Variants in XRCC4 observed in about 807,000 individuals in gnomAD.
XRCC4 encodes X-ray repair cross complementing 4.
A neutral mutation model predicts 39.1 loss-of-function variants in XRCC4; 28 were observed. That is an observed-to-expected ratio of 0.72 (90% CI 0.53 to 0.98). The LOEUF is 0.98. Ranked by LOEUF, XRCC4 falls within the 50% of genes least tolerant of loss-of-function variation. XRCC4 has a pLI of 0.00. For missense variants in XRCC4, 350 were observed against 376.4 expected, an observed-to-expected ratio of 0.93 and a Z score of 0.58; for synonymous variants, 123 against 126.4, an observed-to-expected ratio of 0.97 and a Z score of 0.18.
chr5:83,081,343 C>T (rs1744932281), intron 1 of XRCC4, among the ~76,000 whole-genome samples: 1 of 152,086 alleles, frequency 6.6e-6, no homozygotes, highest in Non-Finnish European at 1.5e-5. Context: ...TCCTCTTATC[C>T]TCAGCTAGCC....
Position 83,204,805 on chromosome 5 carries a change from C to G in XRCC4, c.639-10C>G. ...CAGTTATTTATAATTCTACCTTTCT[C>G]TGTTTCTAGGGAAACTGCAATCTGT... On this transcript the variant is annotated splice_polypyrimidine_tract_variant and intron_variant, in intron 5 of 7. Transcript: ENST00000396027. 6.2e-7 allele frequency: 1 copy of G among 1,601,856 alleles called. No individual in the cohort carries two copies. The highest frequency in any genetic ancestry group is 8.5e-7 in the Non-Finnish European group (1 of 1,171,830).
chr5:83,088,186 G>T (rs1389007088), intron 1 of XRCC4, among the ~76,000 whole-genome samples: 1 of 151,936 alleles, frequency 6.6e-6, no homozygotes, highest in Non-Finnish European at 1.5e-5. Context: ...GATGTATCTT[G>T]TCATTATTTT....
At chr5:83,130,013 G>A (rs2112475589) in intron 3 of XRCC4, among the ~76,000 whole-genome samples, 1 of 152,246 alleles carries the variant, frequency 6.6e-6, no homozygotes, top group Admixed American at 6.5e-5. Flanking sequence ...TGTTGAATAG[G>A]GGTGGTAAGA....
chr5:83,084,635 A>G (rs1745101251), intron 1 of XRCC4, among the ~76,000 whole-genome samples: 1 of 152,144 alleles, frequency 6.6e-6, no homozygotes, highest in African/African-American at 2.4e-5. Flanking sequence ...TGTTGCAAAG[A>G]TTTTCTTTCA....
At chr5:83,190,068 A>G (rs567133145) in intron 3 of XRCC4, among the ~76,000 whole-genome samples, 11 of 152,256 alleles carry the variant, frequency 7.2e-5, no homozygotes, top group Admixed American at 1.3e-4. Flanking sequence ...TGTCTCAAAA[A>G]AATAAAATAA....
intron 7 of XRCC4, among the ~76,000 whole-genome samples, chr5:83,328,762 T>C (rs1250837739): frequency 6.6e-6 from 1 of 151,926 alleles, no homozygotes; most frequent in Non-Finnish European, 1.5e-5. Flanking sequence ...ATAGGAATAA[T>C]AGTAAAGCAA....
At chr5:83,327,990 C>T (rs1003116287) in intron 7 of XRCC4, among the ~76,000 whole-genome samples, 2 of 151,852 alleles carry the variant, frequency 1.3e-5, no homozygotes, top group African/African-American at 4.8e-5. Flanking sequence ...TCTATTAGTC[C>T]GTTTTCATGC....
intron 7 of XRCC4, among the ~76,000 whole-genome samples, chr5:83,275,586 C>T (rs28360266): frequency 1.3e-5 from 2 of 152,156 alleles, no homozygotes; most frequent in African/African-American, 2.4e-5. Context: ...TGAGCCACCG[C>T]GCCCGGCCCA....
At chr5:83,109,707 A>T (rs1746358836) in intron 2 of XRCC4, among the ~76,000 whole-genome samples, 1 of 151,948 alleles carries the variant, frequency 6.6e-6, no homozygotes, top group Non-Finnish European at 1.5e-5. Flanking sequence ...ATGAGAATTA[A>T]AGCTTACTTG....
intron 7 of XRCC4, among the ~76,000 whole-genome samples, chr5:83,336,194 A>G (rs1756589686): frequency 6.6e-6 from 1 of 152,086 alleles, no homozygotes; most frequent in Non-Finnish European, 1.5e-5. Flanking sequence ...GCCCAATAAC[A>G]TTTTGAAGGG....
intron 7 of XRCC4, among the ~76,000 whole-genome samples, chr5:83,272,571 C>G (rs367838707): frequency 7.2e-5 from 11 of 152,100 alleles, no homozygotes; most frequent in Admixed American, 2.0e-4. Context: ...AATGCTTTCC[C>G]TCTTCTTTCC....
At chr5:83,303,606 A>ATGAG (rs1294962238) in intron 7 of XRCC4, among the ~76,000 whole-genome samples, 1 of 152,220 alleles carries the variant, frequency 6.6e-6, no homozygotes, top group East Asian at 1.9e-4. Flanking sequence ...CTTTCTAAAA[A>ATGAG]TGAGTCAATT....
rs28746479 is a variant in XRCC4, at chr5:83,351,028, G to C, written c.894-2103G>C. ...ATTGTAATCCTCAATCTTGAAGAAGGGGCCTGGTGGGAGGTTATTGGATCC... is the reference window on the plus strand; with the variant it reads ...ATTGTAATCCTCAATCTTGAAGAAGCGGCCTGGTGGGAGGTTATTGGATCC... On this transcript the variant is annotated intron_variant, in intron 7 of 7. Transcript: ENST00000396027. Among the ~76,000 whole-genome samples the C allele has an allele frequency of 1.1e-3, 165 of 152,224 alleles. 1 individual carries two copies. Among genetic ancestry groups the C allele is most frequent in the Middle Eastern group, 3.4e-3 (1 of 292 alleles).
chr5:83,113,077 C>T (rs1746524209), intron 3 of XRCC4, among the ~76,000 whole-genome samples: 1 of 152,186 alleles, frequency 6.6e-6, no homozygotes. Flanking sequence ...CAAGTTCCTT[C>T]TACCTATGAG....
At chr5:83,208,909 A>G (rs999222808) in intron 6 of XRCC4, among the ~76,000 whole-genome samples, 2 of 152,038 alleles carry the variant, frequency 1.3e-5, no homozygotes, top group Non-Finnish European at 2.9e-5. Context: ...TAGGTATTTC[A>G]CTTTGTTTTA....
At chr5:83,328,417 A>C (rs998992320) in intron 7 of XRCC4, among the ~76,000 whole-genome samples, 1 of 152,162 alleles carries the variant, frequency 6.6e-6, no homozygotes, top group Non-Finnish European at 1.5e-5. Flanking sequence ...AATATTTAGC[A>C]AAGTGGCTTG....
intron 3 of XRCC4, among the ~76,000 whole-genome samples, chr5:83,169,577 A>G (rs1435890833): frequency 6.6e-6 from 1 of 152,198 alleles, no homozygotes. Context: ...CTCAAAAGAC[A>G]AAGAGTAAGC....
intron 7 of XRCC4, among the ~76,000 whole-genome samples, chr5:83,333,075 A>C (rs1756487298): frequency 6.6e-6 from 1 of 152,180 alleles, no homozygotes; most frequent in Non-Finnish European, 1.5e-5. Flanking sequence ...CAAATTAGCC[A>C]TTTTGAATAG....
rs1426765816 is a variant in XRCC4, at chr5:83,197,289, A to G, written c.482+1353A>G. On this transcript the variant is annotated intron_variant, in intron 4 of 7. Transcript: ENST00000396027. ...ACTACAAAGCATTTCTTGGACCTGT[A>G]TCTGTAGCTTGGGTGTATTTTCTAT... Among the ~76,000 whole-genome samples, 4 of 152,114 alleles carry G rather than the reference A, an allele frequency of 2.6e-5. No individual in the cohort carries two copies. The East Asian group carries it at 7.7e-4, about 29-fold the overall frequency.
Sources: allele counts gnomAD v4.1 joint callset (sites outside exome capture counted in the v4.1 genomes callset), GRCh38; gene constraint gnomAD v4.1.1; transcripts MANE v1.5; gene names NCBI Gene and HGNC (gene_info 2026-07-23, HGNC 2026-07-21).